CNTNAP2: variants seen among roughly 807,000 people sequenced by gnomAD.
CNTNAP2 encodes contactin-associated protein-like 2.
A neutral mutation model predicts 155.2 loss-of-function variants in CNTNAP2; 98 were observed. The observed-to-expected ratio is 0.63, with a 90% CI of 0.54 to 0.75. The LOEUF (loss-of-function observed/expected upper bound fraction) is 0.75. Ranked by LOEUF, CNTNAP2 falls within the 30% of genes least tolerant of loss-of-function variation. The probability of loss-of-function intolerance (pLI) is 0.00; values close to 1 mark genes in which losing one functional copy is unlikely to be tolerated. For synonymous variants in CNTNAP2, 651 were observed against 631.2 expected (o/e 1.03, Z -0.47); for missense variants, 1,727 against 1,688.1 (o/e 1.02, Z -0.40).
intron 12 of CNTNAP2, among the ~76,000 whole-genome samples, chr7:147,569,919 C>T (rs1321739810): frequency 6.6e-6 from 1 of 152,162 alleles, no homozygotes; most frequent in Non-Finnish European, 1.5e-5. Context: ...GAAGTTTATT[C>T]AAGTGTTGAT....
intron 1 of CNTNAP2, among the ~76,000 whole-genome samples, chr7:146,640,398 T>C (rs1380791534): frequency 1.3e-5 from 2 of 152,260 alleles, no homozygotes; most frequent in Non-Finnish European, 2.9e-5. Context: ...ACACTGGAGA[T>C]CAATTGTCTG....
chr7:147,127,494 C>T (rs1056703592), intron 6 of CNTNAP2, among the ~76,000 whole-genome samples: 9 of 151,974 alleles, frequency 5.9e-5, no homozygotes, highest in Non-Finnish European at 1.3e-4. Flanking sequence ...GTTCATGGAC[C>T]TTCCAGAACA....
At chr7:147,595,173 G>A (rs117984827) in intron 12 of CNTNAP2, among the ~76,000 whole-genome samples, 227 of 152,184 alleles carry the variant, frequency 1.5e-3, no homozygotes, top group African/African-American at 5.0e-3. Context: ...TAAAAAGAGC[G>A]TTGATGTCCT....
intron 1 of CNTNAP2, among the ~76,000 whole-genome samples, chr7:146,759,173 C>A (rs983272665): frequency 4.6e-5 from 7 of 152,144 alleles, no homozygotes; most frequent in Non-Finnish European, 8.8e-5. Context: ...AAGCAACTTT[C>A]TTTGGAATAT....
intron 1 of CNTNAP2, among the ~76,000 whole-genome samples, chr7:146,764,783 T>C (rs954264116): frequency 2.6e-5 from 4 of 152,146 alleles, no homozygotes; most frequent in Admixed American, 6.6e-5. Flanking sequence ...ATTTCATTAT[T>C]ATTTTTAAAC....
At chr7:148,114,319 C>T (rs1386936910) in intron 15 of CNTNAP2, among the ~76,000 whole-genome samples, 1 of 152,054 alleles carries the variant, frequency 6.6e-6, no homozygotes, top group Non-Finnish European at 1.5e-5. Context: ...ATCTTTAACA[C>T]CCAGGTTACC....
chr7:146,654,970 C>T (rs542528966), intron 1 of CNTNAP2, among the ~76,000 whole-genome samples: 4 of 152,088 alleles, frequency 2.6e-5, no homozygotes, highest in Admixed American at 6.6e-5. Context: ...AAATAAATCC[C>T]TTTTACCTAA....
At chr7:147,859,808 C>T (rs544999701) in intron 13 of CNTNAP2, among the ~76,000 whole-genome samples, 96 of 151,892 alleles carry the variant, frequency 6.3e-4, no homozygotes, top group Non-Finnish European at 1.1e-3. Flanking sequence ...CAAATATTGC[C>T]CACAGAATTG....
Position 148,118,209 on chromosome 7 carries a change from C to T in CNTNAP2, c.2475C>T (p.Phe825=). 1 of 1,614,166 alleles carries T rather than the reference C, an allele frequency of 6.2e-7. No homozygotes were observed. The highest frequency in any genetic ancestry group is 8.5e-7 in the Non-Finnish European group (1 of 1,180,016). ...GGGAAACTAGCGCTGACATTTCTTT[C>T]TACTTCAAAACATTAACCCCCTGGG... is the stretch of plus-strand genomic sequence containing the variant. ...FQGETSADIS[F]YFKTLTPWGV... is the part of the protein sequence containing the mutation. The change falls in exon 16 of 24, where the codon TTC becomes TTT. Residue 825 remains phenylalanine (F), a synonymous_variant. Transcript: ENST00000361727.
intron 15 of CNTNAP2, among the ~76,000 whole-genome samples, chr7:148,098,028 T>C (rs1409677644): frequency 6.6e-6 from 1 of 152,062 alleles, no homozygotes; most frequent in Non-Finnish European, 1.5e-5. Flanking sequence ...CTTCTTTGAG[T>C]AGGTGGCAGT....
chr7:147,916,313 C>A (rs141612858), intron 14 of CNTNAP2, among the ~76,000 whole-genome samples: 15 of 152,262 alleles, frequency 9.9e-5, no homozygotes, highest in Non-Finnish European at 5.9e-5. Context: ...ATAGAATCCT[C>A]CTGTCACCTC....
At chr7:147,949,921 T>C (rs2116828277) in intron 14 of CNTNAP2, among the ~76,000 whole-genome samples, 1 of 152,280 alleles carries the variant, frequency 6.6e-6, no homozygotes, top group South Asian at 2.1e-4. Context: ...TGATTTGAAT[T>C]GGTATTAATA....
At chr7:148,037,587 C>A (rs117648616) in intron 15 of CNTNAP2, among the ~76,000 whole-genome samples, 1 of 152,152 alleles carries the variant, frequency 6.6e-6, no homozygotes, top group Admixed American at 6.5e-5. Flanking sequence ...CCCCCTTGTC[C>A]GTGGTTTTGC....
chr7:148,037,960 C>A (rs978731989), intron 15 of CNTNAP2, among the ~76,000 whole-genome samples: 1 of 152,154 alleles, frequency 6.6e-6, no homozygotes, highest in Non-Finnish European at 1.5e-5. Flanking sequence ...TTGGTACTAC[C>A]TGTGGTTTCA....
chr7:146,761,033 G>T (rs1802088294), intron 1 of CNTNAP2, among the ~76,000 whole-genome samples: 1 of 152,098 alleles, frequency 6.6e-6, no homozygotes, highest in Non-Finnish European at 1.5e-5. Flanking sequence ...AGGGTCAAAT[G>T]AATAAGATTA....
chr7:146,748,357 G>A (rs575429559), intron 1 of CNTNAP2, among the ~76,000 whole-genome samples: 1 of 151,986 alleles, frequency 6.6e-6, no homozygotes, highest in Non-Finnish European at 1.5e-5. Context: ...GTGTTAGCCA[G>A]GATGGTCTGG....
intron 1 of CNTNAP2, among the ~76,000 whole-genome samples, chr7:146,716,530 G>A (rs987077288): frequency 6.6e-6 from 1 of 152,166 alleles, no homozygotes; most frequent in Non-Finnish European, 1.5e-5. Context: ...CACACAGCAG[G>A]CTTGAGAGAA....
chr7:147,767,512 A>G (rs58676850), intron 13 of CNTNAP2, among the ~76,000 whole-genome samples: 10,878 of 152,146 alleles, frequency 0.071, 419 homozygotes, highest in African/African-American at 0.094. Context: ...ATTTGCAAAT[A>G]TATTTACTTT....
chr7:147,132,455 G>T lies in CNTNAP2; in HGVS notation c.1294G>T (p.Gly432Cys). ...GATTGACCTCACTGAAAGCAAAGTG[G>T]GTGTTCACATCAACATCACACAGAC... ...VEIDLTESKVGVHINITQTKM... is the reference protein window; with the variant it reads ...VEIDLTESKVCVHINITQTKM... The change falls in exon 8 of 24, where the codon GGT becomes TGT. Residue 432 changes from glycine (G) to cysteine (C), a missense_variant. By Grantham distance (159) the Gly-to-Cys change is radical. Transcript: ENST00000361727. The T allele has an allele frequency of 6.2e-7, 1 of 1,613,564 alleles. No homozygotes were observed. The highest frequency in any genetic ancestry group is 8.5e-7 in the Non-Finnish European group (1 of 1,179,710).
Sources: gnomAD v4.1 joint callset for allele counts (sites outside exome capture counted in the v4.1 genomes callset) on GRCh38, gnomAD v4.1.1 for gene constraint, MANE v1.5 for transcripts, NCBI Gene and HGNC (gene_info 2026-07-23, HGNC 2026-07-21) for gene names.